TRIM59: variants seen among roughly 807,000 people sequenced by gnomAD.
TRIM59 encodes the protein tripartite motif-containing protein 59.
TRIM59 carries 14 observed loss-of-function variants against 32.2 expected under a neutral mutation model. That is an observed-to-expected ratio of 0.43 (90% CI 0.29 to 0.68). TRIM59 has a LOEUF of 0.68. TRIM59 is among the 30% of genes least tolerant of loss of function. TRIM59 has a pLI of 0.15. For synonymous variants in TRIM59, 163 were observed against 155.1 expected, an observed-to-expected ratio of 1.05 and a Z score of -0.38; for missense variants, 471 against 463.3, an observed-to-expected ratio of 1.02 and a Z score of -0.15.
At position 160,449,774 on chromosome 3, in the gene TRIM59, C is replaced by A; in HGVS notation, c.-131G>T. On this transcript the variant is annotated 5_prime_UTR_variant, in exon 1 of 3. Coordinates refer to ENST00000309784, the MANE Select transcript of TRIM59 (RefSeq NM_173084.3). ...GCACGGAAACACAGCGCCACGAGCTCCAGGCGGATGCTGAGAGCCGCCCCG... is the reference window on the plus strand; with the variant it reads ...GCACGGAAACACAGCGCCACGAGCTACAGGCGGATGCTGAGAGCCGCCCCG... The A allele has an allele frequency of 7.9e-7, 1 of 1,272,618 alleles. No individual in the cohort carries two copies. Among genetic ancestry groups the A allele is most frequent in the Non-Finnish European group, 1.0e-6 (1 of 973,208 alleles). 78.8% of individuals were successfully genotyped at this position (1,272,618 alleles called of 1,614,324 possible).
chr3:160,447,642 A>C (rs927555235), intron 2 of TRIM59: 5 of 152,234 alleles, frequency 3.3e-5, no homozygotes, highest in African/African-American at 9.6e-5. Context: ...TTAATTCACT[A>C]ATGCTTTCCT....
intron 2 of TRIM59, 35 bp downstream of exon 2, chr3:160,448,691 T>C: frequency 1.7e-6 from 2 of 1,186,086 alleles, no homozygotes; most frequent in Non-Finnish European, 2.2e-6. Flanking sequence ...AACTTAATTG[T>C]TTTTCATATT....
In TRIM59 at chr3:160,449,733, A is replaced by C. The variant is rs963788899; in HGVS notation, c.-90T>G. 7.8e-7 allele frequency: 1 copy of C among 1,289,858 alleles called. No individual in the cohort carries two copies. The highest frequency in any genetic ancestry group is 2.3e-5 in the Admixed American group (1 of 43,554). The allele number at this position is 1,289,858 out of a possible 1,614,324, so 79.9% of individuals were successfully genotyped here. ...TAGACTCACCGCGGGGAGGAAGCGG[A>C]CCAGGCAACTCCACAGCACGGAAAC... On this transcript the variant is annotated 5_prime_UTR_variant, in exon 1 of 3. Coordinates refer to ENST00000309784, the MANE Select transcript of TRIM59 (RefSeq NM_173084.3).
At position 160,437,307 on chromosome 3, in the gene TRIM59, C is replaced by T. The variant is rs899174768; in HGVS notation, c.*665G>A. ...TGGTCGAAACTGCAGTGAGTCATGA[C>T]CAGACAACTACACTCCAGCCTGGGC... On this transcript the variant is annotated 3_prime_UTR_variant, in exon 3 of 3. Coordinates refer to ENST00000309784, the MANE Select transcript of TRIM59 (RefSeq NM_173084.3). 1 of 919,968 alleles carries T rather than the reference C, an allele frequency of 1.1e-6. No individual in the cohort carries two copies. The highest frequency in any genetic ancestry group is 1.8e-5 in the African/African-American group (1 of 55,528). 57.0% of individuals were successfully genotyped at this position (919,968 alleles called of 1,614,324 possible). A position where few individuals can be genotyped will look rare whatever the true frequency, so the allele number is the denominator to read the frequency against.
At chr3:160,446,740 G>A (rs1476503168) in intron 2 of TRIM59, among the ~76,000 whole-genome samples, 2 of 151,862 alleles carry the variant, frequency 1.3e-5, no homozygotes, top group East Asian at 3.9e-4. Flanking sequence ...GCTCCGCCTC[G>A]AGCCCACCTG....
chr3:160,442,450 C>A (rs959509083), intron 2 of TRIM59, among the ~76,000 whole-genome samples: 2 of 151,730 alleles, frequency 1.3e-5, no homozygotes, highest in African/African-American at 4.8e-5. Context: ...GGCATGGTGG[C>A]GCACACCTGT....
rs748963865 is a variant in TRIM59 at position 160,438,083 on chromosome 3, G to A, written c.1101C>T (p.Ala367=). The change falls in exon 3 of 3, where the codon GCC becomes GCT. Residue 367 remains alanine (A), a synonymous_variant. Coordinates refer to ENST00000309784, the MANE Select transcript of TRIM59 (RefSeq NM_173084.3). The stretch of plus-strand genomic sequence containing the variant: ...ATAAACTTTGGTAAACAGATAGAGA[G>A]GCTTCAGAAAACCATATTAAAGTGA... ...SEITLIWFSE[A]SLSVYQSLSN... The A allele has an allele frequency of 2.5e-6, 4 of 1,612,188 alleles. No homozygotes were observed. The African/African-American group carries it at 4.0e-5, about 16-fold the overall frequency.
Position 160,436,999 on chromosome 3 carries a change from G to T in TRIM59, c.*973C>A, listed in dbSNP as rs750050412. On this transcript the variant is annotated 3_prime_UTR_variant, in exon 3 of 3. Transcript: ENST00000309784. ...TAATCCAAGAACTGATTTGACTGAC[G>T]AGCAGAAAAAAAAACAATCTTAAAT... The T allele has an allele frequency of 4.1e-6, 4 of 984,492 alleles. No individual in the cohort carries two copies. Among genetic ancestry groups the T allele is most frequent in the African/African-American group, 3.5e-5 (2 of 56,952 alleles). 61.0% of individuals were successfully genotyped at this position (984,492 alleles called of 1,614,324 possible).
At chr3:160,446,057 C>G (rs1719513983) in intron 2 of TRIM59, among the ~76,000 whole-genome samples, 1 of 152,068 alleles carries the variant, frequency 6.6e-6, no homozygotes, top group South Asian at 2.1e-4. Context: ...CATCCTTCCC[C>G]CCTCAGCCTC....
Position 160,436,935 on chromosome 3 carries a change from A to G in TRIM59, c.*1037T>C. On this transcript the variant is annotated 3_prime_UTR_variant, in exon 3 of 3. Transcript: ENST00000309784. ...TGCCATCAAAACCTGTTGCAGACCA[A>G]GTTACCAACATGATTCTGTTCTAAT... is the stretch of plus-strand genomic sequence containing the variant. The G allele has an allele frequency of 1.0e-6, 1 of 985,388 alleles. No homozygotes were observed. Among genetic ancestry groups the G allele is most frequent in the Middle Eastern group, 5.2e-4 (1 of 1,916 alleles). The allele number at this position is 985,388 out of a possible 1,614,324, so 61.0% of individuals were successfully genotyped here.
chr3:160,437,894 G>A lies in TRIM59; in HGVS notation c.*78C>T, dbSNP rs886471984. On this transcript the variant is annotated 3_prime_UTR_variant, in exon 3 of 3. Transcript: ENST00000309784. Reference sequence around the variant, plus strand: ...TTGCAGCACTAATAAAGCTTAGTTTGCTCTTTATCCATGCTACCCCATTTT... The same window carrying A: ...TTGCAGCACTAATAAAGCTTAGTTTACTCTTTATCCATGCTACCCCATTTT... 1 of 1,413,332 alleles carries A rather than the reference G, an allele frequency of 7.1e-7. No homozygotes were observed. Among genetic ancestry groups the A allele is most frequent in the African/African-American group, 1.5e-5 (1 of 68,496 alleles). 87.5% of individuals were successfully genotyped at this position (1,413,332 alleles called of 1,614,324 possible).
chr3:160,437,591 T>C lies in TRIM59; in HGVS notation c.*381A>G, dbSNP rs533243491. On this transcript the variant is annotated 3_prime_UTR_variant, in exon 3 of 3. Transcript: ENST00000309784. Reference sequence around the variant, plus strand: ...GCTTCAAGCCACATCAAAATAAAGGTATATGTTCTTTCAGGATTTTGCTAT... The same window carrying C: ...GCTTCAAGCCACATCAAAATAAAGGCATATGTTCTTTCAGGATTTTGCTAT... The C allele has an allele frequency of 3.0e-6, 3 of 988,372 alleles. No homozygotes were observed. Among genetic ancestry groups the C allele is most frequent in the South Asian group, 9.4e-5 (2 of 21,328 alleles). 61.2% of individuals were successfully genotyped at this position (988,372 alleles called of 1,614,324 possible). A position where few individuals can be genotyped will look rare whatever the true frequency, so the allele number is the denominator to read the frequency against.
Position 160,437,750 on chromosome 3 carries a change from A to G in TRIM59, c.*222T>C. 1.7e-6 allele frequency: 2 copies of G among 1,204,696 alleles called. No homozygotes were observed. The highest frequency in any genetic ancestry group is 2.1e-6 in the Non-Finnish European group (2 of 971,424). The allele number at this position is 1,204,696 out of a possible 1,614,324, so 74.6% of individuals were successfully genotyped here. On this transcript the variant is annotated 3_prime_UTR_variant, in exon 3 of 3. Coordinates refer to ENST00000309784, the MANE Select transcript of TRIM59 (RefSeq NM_173084.3). ...AAAGCCAATAAAAATGGGATAGTGT[A>G]TTACTTTTCAAATTGTTACTAGATT...
chr3:160,438,380 T>C lies in TRIM59; in HGVS notation c.804A>G (p.Pro268=). 6.2e-7 allele frequency: 1 copy of C among 1,613,770 alleles called. No individual in the cohort carries two copies. The highest frequency in any genetic ancestry group is 8.5e-7 in the Non-Finnish European group (1 of 1,179,970). ...RQHVQILKQR[P]LPEVQPVEIY... ...TTTCAACGGGTTGAACCTCAGGAAG[T>C]GGTCTTTGTTTCAAGATCTGTACAT... The change falls in exon 3 of 3, where the codon CCA becomes CCG. Residue 268 remains proline (P), a synonymous_variant. Coordinates refer to ENST00000309784, the MANE Select transcript of TRIM59 (RefSeq NM_173084.3).
intron 2 of TRIM59, among the ~76,000 whole-genome samples, chr3:160,444,685 C>T (rs191529451): frequency 5.9e-5 from 9 of 152,326 alleles, no homozygotes; most frequent in Admixed American, 3.3e-4. Context: ...ACTAGTTTGG[C>T]AGGTTGCTGC....
At chr3:160,446,065 C>T (rs931644098) in intron 2 of TRIM59, among the ~76,000 whole-genome samples, 2 of 152,120 alleles carry the variant, frequency 1.3e-5, no homozygotes, top group South Asian at 4.1e-4. Context: ...CCCCCTCAGC[C>T]TCCCAAAGTG....
rs891493767 is a variant in TRIM59, at chr3:160,445,287, C to T, written c.-4+3439G>A. ...AAACTTAGCTAAGTATGGTGGCGCA[C>T]GCCTGTTAGTCCCAGCTACTCAGGA... On this transcript the variant is annotated intron_variant, in intron 2 of 2. Coordinates refer to ENST00000309784, the MANE Select transcript of TRIM59 (RefSeq NM_173084.3). Among the ~76,000 whole-genome samples the T allele has an allele frequency of 4.6e-5, 7 of 151,790 alleles. No homozygotes were observed. The East Asian group carries it at 5.8e-4, about 13-fold the overall frequency.
chr3:160,435,872 G>T lies in TRIM59; in HGVS notation c.*2100C>A, dbSNP rs760781733. 5 of 1,075,846 alleles carry T rather than the reference G, an allele frequency of 4.6e-6. No homozygotes were observed. In the South Asian group the frequency reaches 6.5e-5, roughly 14 times the overall value. 66.6% of individuals were successfully genotyped at this position (1,075,846 alleles called of 1,614,324 possible). A position where few individuals can be genotyped will look rare whatever the true frequency, so the allele number is the denominator to read the frequency against. On this transcript the variant is annotated 3_prime_UTR_variant, in exon 3 of 3. Transcript: ENST00000309784. The stretch of plus-strand genomic sequence containing the variant: ...CTCACAGCTATATGGCCTTGGACAA[G>T]TCACTTGTCAGTTCCCTCATCTACA...
rs973468829 is a variant in TRIM59 at position 160,436,965 on chromosome 3, A to G, written c.*1007T>C. 3.0e-6 allele frequency: 3 copies of G among 985,242 alleles called. No individual in the cohort carries two copies. The African/African-American group carries it at 5.2e-5, about 17-fold the overall frequency. 61.0% of individuals were successfully genotyped at this position (985,242 alleles called of 1,614,324 possible). A position where few individuals can be genotyped will look rare whatever the true frequency, so the allele number is the denominator to read the frequency against. On this transcript the variant is annotated 3_prime_UTR_variant, in exon 3 of 3. Transcript: ENST00000309784. ...CCAACATGATTCTGTTCTAATAAGA[A>G]TGAGTTTTTAATCCAAGAACTGATT...
Sources: gnomAD v4.1 joint callset for allele counts (sites outside exome capture counted in the v4.1 genomes callset) on GRCh38, gnomAD v4.1.1 for gene constraint, MANE v1.5 for transcripts, NCBI Gene and HGNC (gene_info 2026-07-23, HGNC 2026-07-21) for gene names.